PHF20L1: variants seen among roughly 807,000 people sequenced by gnomAD.
The protein encoded by PHF20L1 is PHD finger protein 20-like protein 1.
In PHF20L1, 44 loss-of-function variants were observed where a neutral mutation model predicts 125.5. The ratio of observed to expected loss-of-function variants is 0.35; its 90% CI spans 0.28 to 0.45. The LOEUF is 0.45. Among genes scored for constraint, PHF20L1 ranks in the 20% least tolerant of loss-of-function variants. PHF20L1 has a pLI of 1.00. For synonymous variants in PHF20L1, 380 were observed against 403.1 expected, an observed-to-expected ratio of 0.94 and a Z score of 0.69; for missense variants, 1,012 against 1,217.2, an observed-to-expected ratio of 0.83 and a Z score of 2.51.
intron 7 of PHF20L1, 83 bp downstream of exon 7, chr8:132,804,115 T>C: frequency 1.1e-6 from 1 of 884,474 alleles, no homozygotes; most frequent in Non-Finnish European, 1.8e-6. Flanking sequence ...TTCCTTTGAT[T>C]TTGAATGTAT....
At position 132,844,241 on chromosome 8, in the gene PHF20L1, T is replaced by G. The variant is rs1177654562; in HGVS notation, c.2834T>G (p.Leu945Arg). Residue 945 changes from leucine (L) to arginine (R), a missense_variant, in exon 20 of 21, where the codon CTC becomes CGC. Around this residue, in one of 7 missense-constraint regions of PHF20L1, gnomAD observed 277 missense variants for 283.6 expected, o/e 0.98. Coordinates refer to ENST00000395386, the MANE Select transcript of PHF20L1 (RefSeq NM_016018.5). ...GGAGACTCACATCTTCAGTGGCAGC[T>G]CAATCTCCTTACACACATAGAAAAT... ...DPGDSHLQWQ[L>R]NLLTHIENVQ... is the part of the protein sequence containing the mutation. 11 of 1,612,810 alleles carry G rather than the reference T, an allele frequency of 6.8e-6. No individual in the cohort carries two copies. The South Asian group carries it at 1.1e-4, about 16-fold the overall frequency.
intron 18 of PHF20L1, among the ~76,000 whole-genome samples, chr8:132,841,034 T>C (rs1240075901): frequency 1.3e-5 from 2 of 152,020 alleles, no homozygotes; most frequent in Admixed American, 6.6e-5. Context: ...GAGGGAATAA[T>C]TTATTAGGTC....
At chr8:132,804,171 C>A (rs370701489) in intron 7 of PHF20L1, 139 bp downstream of exon 7, 19 of 624,934 alleles carry the variant, frequency 3.0e-5, no homozygotes, top group African/African-American at 2.8e-4. Flanking sequence ...TGATGGCTAA[C>A]TTTTTTAGCA....
intron 8 of PHF20L1, chr8:132,810,097 T>C (rs987082792): frequency 1.3e-5 from 2 of 150,854 alleles, no homozygotes; most frequent in African/African-American, 4.9e-5. Context: ...TAGGGTGGAG[T>C]GCAGTGGCAG....
chr8:132,794,662 A>T, intron 3 of PHF20L1, 71 bp from the exon 4 acceptor site: 1 of 1,502,494 alleles, frequency 6.7e-7, no homozygotes, highest in Admixed American at 1.8e-5. Flanking sequence ...TAAATTATAC[A>T]AAAGCCTGTT....
Position 132,799,125 on chromosome 8 carries a change from TGTCCTATCGACCCAG to T in PHF20L1, c.461_475del (p.Cys154_Ala159delinsSer). On this transcript the variant is annotated inframe_deletion, in exon 6 of 21. Transcript: ENST00000395386. ...ATCCCAGCATCCACTAAGCTGGTGTTGTCCTATCGACCCAGCTGGATCGTGTAACCAGTCTATGGG... is the reference window on the plus strand; with the variant it reads ...ATCCCAGCATCCACTAAGCTGGTGTTCTGGATCGTGTAACCAGTCTATGGG... 6.2e-7 allele frequency: 1 copy of T among 1,610,430 alleles called. No individual in the cohort carries two copies. The highest frequency in any genetic ancestry group is 8.5e-7 in the Non-Finnish European group (1 of 1,177,672).
intron 12 of PHF20L1, 158 bp downstream of exon 12, chr8:132,817,703 T>G: frequency 1.7e-6 from 1 of 602,412 alleles, no homozygotes; most frequent in East Asian, 2.8e-5. Flanking sequence ...CATCTCCGTT[T>G]TAAAGGTCTT....
intron 2 of PHF20L1, among the ~76,000 whole-genome samples, chr8:132,788,202 A>G (rs1351889915): frequency 1.3e-5 from 2 of 152,124 alleles, no homozygotes; most frequent in East Asian, 1.9e-4. Context: ...ACTAGCTATC[A>G]TTATGTTGAA....
At chr8:132,804,318 CTTTTG>C (rs1431500720) in intron 7 of PHF20L1, among the ~76,000 whole-genome samples, 6 of 151,506 alleles carry the variant, frequency 4.0e-5, no homozygotes, top group Admixed American at 2.6e-4. Flanking sequence ...GAGATTTTTT[CTTTTG>C]TTTTGTGTTT....
chr8:132,822,205 C>G (rs908722772), intron 12 of PHF20L1, among the ~76,000 whole-genome samples: 2 of 151,904 alleles, frequency 1.3e-5, no homozygotes, highest in Admixed American at 6.6e-5. Context: ...CGAACTGACT[C>G]TCTGGACCCC....
rs919728615 is a variant in PHF20L1 at position 132,848,269 on chromosome 8, A to G, written c.*2346A>G. On this transcript the variant is annotated 3_prime_UTR_variant, in exon 21 of 21. Coordinates refer to ENST00000395386, the MANE Select transcript of PHF20L1 (RefSeq NM_016018.5). ...ACTGGAAATCTGAATTTTTAAATTT[A>G]GATCTTTAAATCAAATTATTTTTAT... The G allele has an allele frequency of 6.6e-6, 1 of 152,428 alleles. No individual in the cohort carries two copies. Among genetic ancestry groups the G allele is most frequent in the African/African-American group, 2.4e-5 (1 of 41,450 alleles). 9.4% of individuals were successfully genotyped at this position (152,428 alleles called of 1,614,324 possible). A position where few individuals can be genotyped will look rare whatever the true frequency, so the allele number is the denominator to read the frequency against.
In PHF20L1 at chr8:132,839,570, T is replaced by C; in HGVS notation, c.2375T>C (p.Ile792Thr). The change falls in exon 18 of 21, where the codon ATT (isoleucine) becomes ACT (threonine). Residue 792 changes from isoleucine (I) to threonine (T), a missense_variant. Coordinates refer to ENST00000395386, the MANE Select transcript of PHF20L1 (RefSeq NM_016018.5). ...TEVLHGLQLKIGILKNKHHPD... is the reference protein window; with the variant it reads ...TEVLHGLQLKTGILKNKHHPD... Reference sequence around the variant, plus strand: ...GTGCTACACGGGCTACAGCTGAAGATTGGAATACTAAAGTAAGTGAAGGGC... The same window carrying C: ...GTGCTACACGGGCTACAGCTGAAGACTGGAATACTAAAGTAAGTGAAGGGC... The C allele has an allele frequency of 1.9e-6, 3 of 1,612,106 alleles. No homozygotes were observed. The highest frequency in any genetic ancestry group is 2.5e-6 in the Non-Finnish European group (3 of 1,178,540).
intron 2 of PHF20L1, among the ~76,000 whole-genome samples, chr8:132,792,691 T>C (rs969062835): frequency 6.6e-6 from 1 of 152,208 alleles, no homozygotes; most frequent in Admixed American, 6.5e-5. Context: ...TGCTAGGTCC[T>C]GGGGACTACA....
intron 2 of PHF20L1, among the ~76,000 whole-genome samples, chr8:132,787,715 T>G (rs1203546157): frequency 1.3e-5 from 2 of 152,172 alleles, no homozygotes; most frequent in Non-Finnish European, 2.9e-5. Context: ...TTGTAGTATG[T>G]GATACCGTTA....
At chr8:132,797,381 A>G (rs1313689475) in intron 4 of PHF20L1, among the ~76,000 whole-genome samples, 1 of 152,014 alleles carries the variant, frequency 6.6e-6, no homozygotes, top group Non-Finnish European at 1.5e-5. Context: ...GTCATTGGGG[A>G]AGTTTTCATC....
chr8:132,814,570 AAATAG>A, intron 9 of PHF20L1, 62 bp from the exon 10 acceptor site: 1 of 1,159,742 alleles, frequency 8.6e-7, no homozygotes, highest in Middle Eastern at 2.6e-4. Flanking sequence ...TTAACAGTCA[AAATAG>A]AATACAAGAA....
intron 14 of PHF20L1, chr8:132,826,664 G>T (rs994320354): frequency 6.6e-6 from 1 of 151,952 alleles, no homozygotes; most frequent in African/African-American, 2.4e-5. Context: ...AAAGCATAAA[G>T]AAAAACTAGA....
intron 4 of PHF20L1, among the ~76,000 whole-genome samples, chr8:132,797,562 A>T (rs1832549879): frequency 6.6e-6 from 1 of 152,052 alleles, no homozygotes; most frequent in South Asian, 2.1e-4. Flanking sequence ...AGGAAGACAG[A>T]AAGTTGCAGG....
intron 15 of PHF20L1, among the ~76,000 whole-genome samples, chr8:132,835,483 C>G (rs1837255570): frequency 6.6e-6 from 1 of 151,992 alleles, no homozygotes; most frequent in African/African-American, 2.4e-5. Flanking sequence ...AATAAAGATT[C>G]CCCCGTGTCT....
Sources: allele counts gnomAD v4.1 joint callset (sites outside exome capture counted in the v4.1 genomes callset), GRCh38; gene constraint gnomAD v4.1.1; regional missense constraint gnomAD v4.1.1; transcripts MANE v1.5; gene names NCBI Gene and HGNC (gene_info 2026-07-23, HGNC 2026-07-21).